The following NCKAP5 variants were observed in gnomAD, a reference collection of about 807,000 sequenced individuals.
The protein encoded by NCKAP5 is NCK associated protein 5.
NCKAP5 carries 92 observed loss-of-function variants against 167.0 expected under a neutral mutation model. That is an observed-to-expected ratio of 0.55 (90% confidence interval 0.47 to 0.66). The LOEUF (loss-of-function observed/expected upper bound fraction) is 0.66. Ranked by LOEUF, NCKAP5 falls within the 30% of genes least tolerant of loss-of-function variation. The pLI is 0.00. For missense variants in NCKAP5, 2,378 were observed against 2,315.0 expected (o/e 1.03, Z -0.56); for synonymous variants, 891 against 877.4 (o/e 1.02, Z -0.27).
intron 7 of NCKAP5, among the ~76,000 whole-genome samples, chr2:132,970,507 T>C (rs2076799222): frequency 6.6e-6 from 1 of 152,166 alleles, no homozygotes; most frequent in Admixed American, 6.5e-5. Context: ...ACAAACAACT[T>C]TCACTCCCCA....
the NCKAP5 span, among the ~76,000 whole-genome samples, chr2:133,659,378 G>C: frequency 2.0e-5 from 3 of 152,062 alleles, no homozygotes; most frequent in Admixed American, 6.5e-5. Flanking sequence ...AAAGCTAAAA[G>C]TATAAAACTT....
intron 8 of NCKAP5, among the ~76,000 whole-genome samples, chr2:132,933,724 C>T (rs1269635872): frequency 6.6e-6 from 1 of 152,002 alleles, no homozygotes; most frequent in African/African-American, 2.4e-5. Flanking sequence ...AATTTAAAGA[C>T]AGAAAAATGG....
chr2:133,138,061 AAGTT>A (rs2082860240), intron 5 of NCKAP5, among the ~76,000 whole-genome samples: 2 of 152,004 alleles, frequency 1.3e-5, no homozygotes, highest in African/African-American at 4.8e-5. Flanking sequence ...ATGAGCTAGA[AAGTT>A]AGTCCTCTTT....
intron 3 of NCKAP5, among the ~76,000 whole-genome samples, chr2:133,413,832 T>C (rs1013978371): frequency 6.6e-6 from 1 of 152,188 alleles, no homozygotes; most frequent in African/African-American, 2.4e-5. Flanking sequence ...CCATCCAGCC[T>C]GCTTCACTAT....
intron 5 of NCKAP5, among the ~76,000 whole-genome samples, chr2:133,170,222 C>G (rs1037116714): frequency 6.6e-6 from 1 of 152,084 alleles, no homozygotes; most frequent in Admixed American, 6.5e-5. Context: ...CAAGATTGTG[C>G]AACGGCTGGG....
At chr2:132,830,202 C>A (rs62177052) in intron 11 of NCKAP5, among the ~76,000 whole-genome samples, 30,733 of 152,094 alleles carry the variant, frequency 0.2, 3,393 homozygotes, top group African/African-American at 0.3. Context: ...GCTAGTCTTT[C>A]CAGCTCCTTT....
intron 6 of NCKAP5, among the ~76,000 whole-genome samples, chr2:132,994,789 C>A (rs2077545486): frequency 6.6e-6 from 1 of 152,140 alleles, no homozygotes; most frequent in African/African-American, 2.4e-5. Context: ...TGTCATTTTG[C>A]AAACAGCATA....
chr2:132,730,381 G>A (rs1040642157), intron 17 of NCKAP5, among the ~76,000 whole-genome samples: 2 of 152,164 alleles, frequency 1.3e-5, no homozygotes, highest in African/African-American at 4.8e-5. Flanking sequence ...TGTAATTCCA[G>A]CTACTCAGGA....
At chr2:133,146,395 C>G (rs544099649) in intron 5 of NCKAP5, among the ~76,000 whole-genome samples, 1 of 151,962 alleles carries the variant, frequency 6.6e-6, no homozygotes, top group Non-Finnish European at 1.5e-5. Flanking sequence ...GTGTTTCATG[C>G]GACTACCATT....
intron 19 of NCKAP5, among the ~76,000 whole-genome samples, chr2:132,678,891 C>T (rs1573818518): frequency 6.6e-6 from 1 of 152,006 alleles, no homozygotes. Flanking sequence ...GCCCTCTGAC[C>T]CTTAGTTTCT....
chr2:132,766,020 G>A (rs1401908846), intron 16 of NCKAP5, among the ~76,000 whole-genome samples: 4 of 152,028 alleles, frequency 2.6e-5, no homozygotes, highest in African/African-American at 4.8e-5. Flanking sequence ...GGTGGCTTAC[G>A]CCTGTAATCC....
At chr2:133,085,205 T>C (rs2080946305) in intron 6 of NCKAP5, among the ~76,000 whole-genome samples, 1 of 152,016 alleles carries the variant, frequency 6.6e-6, no homozygotes, top group Non-Finnish European at 1.5e-5. Context: ...GAGGAAGCAA[T>C]GGCTAAAACA....
chr2:133,282,731 C>T (rs1165304833), intron 4 of NCKAP5, among the ~76,000 whole-genome samples: 2 of 152,144 alleles, frequency 1.3e-5, no homozygotes, highest in Non-Finnish European at 2.9e-5. Context: ...AACAGGAGTT[C>T]AAGTAAATGA....
the NCKAP5 span, among the ~76,000 whole-genome samples, chr2:133,579,033 T>C: frequency 6.6e-6 from 1 of 152,284 alleles, no homozygotes; most frequent in East Asian, 1.9e-4. Flanking sequence ...CAGGTAATAA[T>C]AACAGTAACC....
intron 6 of NCKAP5, among the ~76,000 whole-genome samples, chr2:133,005,204 G>A (rs2077922580): frequency 6.6e-6 from 1 of 152,150 alleles, no homozygotes; most frequent in Non-Finnish European, 1.5e-5. Context: ...AATTATAAGA[G>A]TATTGATTGG....
chr2:132,889,544 C>CA (rs1041954517), intron 8 of NCKAP5, among the ~76,000 whole-genome samples: 25 of 147,642 alleles, frequency 1.7e-4, no homozygotes, highest in South Asian at 8.7e-4. Context: ...AGGATCAGAA[C>CA]AAAAAAAAAA....
intron 3 of NCKAP5, among the ~76,000 whole-genome samples, chr2:133,393,218 T>C (rs111765662): frequency 2.6e-5 from 4 of 152,232 alleles, no homozygotes; most frequent in South Asian, 2.1e-4. Context: ...GTTGAAACCA[T>C]TGGGCCATTG....
intron 3 of NCKAP5, among the ~76,000 whole-genome samples, chr2:133,460,523 T>C (rs1332789024): frequency 6.6e-6 from 1 of 152,076 alleles, no homozygotes; most frequent in Non-Finnish European, 1.5e-5. Flanking sequence ...AAAATTAAAA[T>C]TTAATCTACA....
the NCKAP5 span, among the ~76,000 whole-genome samples, chr2:133,584,625 A>T: frequency 6.6e-6 from 1 of 152,038 alleles, no homozygotes; most frequent in Non-Finnish European, 1.5e-5. Context: ...TTAGCTGGGC[A>T]TGGTGGCATA....
Sources: gnomAD v4.1 joint callset for allele counts (sites outside exome capture counted in the v4.1 genomes callset) on GRCh38, gnomAD v4.1.1 for gene constraint, MANE v1.5 for transcripts, NCBI Gene and HGNC (gene_info 2026-07-23, HGNC 2026-07-21) for gene names.